Variants in ANKRD11 observed in about 807,000 individuals in gnomAD.
ANKRD11 encodes the protein ankyrin repeat domain-containing protein 11.
Under a neutral mutation model 195.7 loss-of-function variants are expected in ANKRD11, and 17 were observed. That is an observed-to-expected ratio of 0.09 (90% confidence interval 0.06 to 0.13). The LOEUF (loss-of-function observed/expected upper bound fraction) is 0.13, where lower values mean the gene tolerates loss of function less well. ANKRD11 is among the 10% of genes least tolerant of loss of function. The pLI is 1.00. For missense variants in ANKRD11, 3,735 were observed against 3,566.1 expected (o/e 1.05, Z -1.21); for synonymous variants, 1,953 against 1,528.1 (o/e 1.28, Z -6.49).
chr16:89,399,449 A>C (rs187111830), intron 2 of ANKRD11, among the ~76,000 whole-genome samples: 23 of 152,332 alleles, frequency 1.5e-4, no homozygotes, highest in Admixed American at 9.8e-4. Flanking sequence ...GACATCCAGG[A>C]AAGGGCAAAA....
chr16:89,396,748 G>A (rs2041450922), intron 2 of ANKRD11, among the ~76,000 whole-genome samples: 5 of 152,166 alleles, frequency 3.3e-5, no homozygotes, highest in African/African-American at 9.7e-5. Flanking sequence ...GTGCAATGGC[G>A]CCATCTTGGC....
intron 1 of ANKRD11, among the ~76,000 whole-genome samples, chr16:89,478,439 A>G (rs2057332402): frequency 6.6e-6 from 1 of 152,108 alleles, no homozygotes; most frequent in Non-Finnish European, 1.5e-5. Context: ...CCTCCACACC[A>G]CAACTGAACA....
intron 1 of ANKRD11, among the ~76,000 whole-genome samples, chr16:89,436,434 A>G (rs574993554): frequency 3.3e-5 from 5 of 152,126 alleles, no homozygotes; most frequent in African/African-American, 4.8e-5. Flanking sequence ...AAGATAATCC[A>G]AGTTTCTCCT....
At chr16:89,356,567 C>T (rs1238359362) in intron 2 of ANKRD11, among the ~76,000 whole-genome samples, 2 of 148,866 alleles carry the variant, frequency 1.3e-5, no homozygotes, top group Admixed American at 6.7e-5. Flanking sequence ...GTCAGGAGAT[C>T]GAGACCATCC....
intron 2 of ANKRD11, among the ~76,000 whole-genome samples, chr16:89,415,261 C>CTTTT (rs34004237): frequency 4.7e-5 from 4 of 84,534 alleles, no homozygotes; most frequent in South Asian, 4.2e-4. Context: ...GCCAGCTATT[C>CTTTT]TTTTTTTTTT....
In ANKRD11 at chr16:89,285,333, G is replaced by A. The variant is rs944992722; in HGVS notation, c.1209C>T (p.Ser403=). The change falls in exon 9 of 13, where the codon TCC becomes TCT. Residue 403 remains serine, a synonymous_variant. Transcript: ENST00000301030. The surrounding 1 kb of genome is among the most constrained non-coding windows in gnomAD (Gnocchi z 5.6). ...CCGACGTGTCTGACAGGATACGATGGGACGCTTTCTTTGGTGCAATCGTGT... is the reference window on the plus strand; with the variant it reads ...CCGACGTGTCTGACAGGATACGATGAGACGCTTTCTTTGGTGCAATCGTGT... ...KNNTIAPKKA[S]HRILSDTSDE... 1.9e-6 allele frequency: 3 copies of A among 1,613,976 alleles called. No homozygotes were observed. The highest frequency in any genetic ancestry group is 2.5e-6 in the Non-Finnish European group (3 of 1,180,036).
intron 1 of ANKRD11, among the ~76,000 whole-genome samples, chr16:89,433,364 G>T (rs959339328): frequency 1.3e-5 from 2 of 152,208 alleles, no homozygotes; most frequent in Non-Finnish European, 2.9e-5. Context: ...TGTCTCCTCT[G>T]CAGACTTTCC....
intron 3 of ANKRD11, among the ~76,000 whole-genome samples, chr16:89,312,816 C>CGA (rs1398011560): frequency 6.6e-6 from 1 of 152,196 alleles, no homozygotes. Context: ...TGGGACACGC[C>CGA]GAGGCCCAGC....
intron 1 of ANKRD11, among the ~76,000 whole-genome samples, chr16:89,473,229 G>C (rs897190137): frequency 6.6e-6 from 1 of 151,898 alleles, no homozygotes; most frequent in African/African-American, 2.4e-5. Flanking sequence ...GGATGAGTAG[G>C]CATCAGTCAG....
At chr16:89,321,001 T>A (rs2037285392) in intron 2 of ANKRD11, 1 of 152,348 alleles carries the variant, frequency 6.6e-6, no homozygotes, top group South Asian at 2.1e-4. Context: ...TGACAGATGC[T>A]GTCAAGACCG....
chr16:89,484,986 G>C (rs1429540180), intron 1 of ANKRD11, among the ~76,000 whole-genome samples: 1 of 152,162 alleles, frequency 6.6e-6, no homozygotes, highest in Non-Finnish European at 1.5e-5. Context: ...TGAGACAGCA[G>C]CACCCTGACA....
chr16:89,479,364 G>A (rs2057364177), intron 1 of ANKRD11, among the ~76,000 whole-genome samples: 1 of 152,110 alleles, frequency 6.6e-6, no homozygotes, highest in South Asian at 2.1e-4. Context: ...CTGGCGCAGT[G>A]GCTCACACCT....
intron 2 of ANKRD11, among the ~76,000 whole-genome samples, chr16:89,346,539 G>A (rs1226120187): frequency 6.6e-6 from 1 of 152,220 alleles, no homozygotes; most frequent in Non-Finnish European, 1.5e-5. Context: ...CCTAAAAACT[G>A]TGAGAGTCAC....
chr16:89,270,619 G>A (rs2033060298), intron 12 of ANKRD11, 198 bp downstream of exon 12: 1 of 633,116 alleles, frequency 1.6e-6, no homozygotes, highest in Non-Finnish European at 2.9e-6. Flanking sequence ...AGGGAAGACT[G>A]AGGAGGCCAC....
Position 89,285,007 on chromosome 16 carries a change from G to A in ANKRD11, c.1535C>T (p.Pro512Leu). ...GGCAGAGAGGGAGCTGAACAGGGAG[G>A]GGTCCTTCAGCACCAGCGGGGACCC... ...LKGSPLVLKD[P>L]SLFSSLSASS... Residue 512 changes from proline to leucine, a missense_variant, in exon 9 of 13, where the codon CCC becomes CTC. Transcript: ENST00000301030. The surrounding 1 kb of genome is among the most constrained non-coding windows in gnomAD (Gnocchi z 5.6). 6.2e-7 allele frequency: 1 copy of A among 1,614,012 alleles called. No homozygotes were observed. The highest frequency in any genetic ancestry group is 8.5e-7 in the Non-Finnish European group (1 of 1,179,988).
chr16:89,309,149 T>C (rs2036469474), intron 3 of ANKRD11, among the ~76,000 whole-genome samples: 1 of 152,110 alleles, frequency 6.6e-6, no homozygotes, highest in South Asian at 2.1e-4. Flanking sequence ...GCCCACACAC[T>C]GAGCCCTGGC....
chr16:89,418,914 C>T (rs891132316), intron 1 of ANKRD11, among the ~76,000 whole-genome samples: 3 of 151,888 alleles, frequency 2.0e-5, no homozygotes, highest in Non-Finnish European at 4.4e-5. Flanking sequence ...GGATTACAGG[C>T]GCTCGCCACC....
intron 2 of ANKRD11, among the ~76,000 whole-genome samples, chr16:89,386,856 TGTGTGCGAACAGACAAGCCCTGAGAA>T (rs2040934633): frequency 6.6e-6 from 1 of 151,972 alleles, no homozygotes; most frequent in African/African-American, 2.4e-5. Context: ...CAGCCAGAGC[TGTGTGCGAACAGACAAGCCCTGAGAA>T]GTGTGCCAGC....
intron 1 of ANKRD11, among the ~76,000 whole-genome samples, chr16:89,457,652 C>T: frequency 6.6e-6 from 1 of 151,290 alleles, no homozygotes; most frequent in Non-Finnish European, 1.5e-5. Context: ...AACTAATCCA[C>T]AATAACAGAA....
Sources: gnomAD v4.1 joint callset for allele counts (sites outside exome capture counted in the v4.1 genomes callset) on GRCh38, gnomAD v4.1.1 for gene constraint, Gnocchi (gnomAD v3.1) non-coding constraint, MANE v1.5 for transcripts, NCBI Gene and HGNC (gene_info 2026-07-23, HGNC 2026-07-21) for gene names.